Variants in LMOD1 observed in about 807,000 individuals in gnomAD.
LMOD1 encodes leiomodin 1, also known as leiomodin-1.
LMOD1 carries 8 observed loss-of-function variants against 36.5 expected under a neutral mutation model. The observed-to-expected ratio is 0.22, with a 90% CI of 0.13 to 0.40. The LOEUF (loss-of-function observed/expected upper bound fraction) is 0.40. Among genes scored for constraint, LMOD1 ranks in the 10% least tolerant of loss-of-function variants. The pLI, the probability that LMOD1 is intolerant of heterozygous loss-of-function variation, is 1.00. For missense variants in LMOD1, 630 were observed against 751.1 expected, an observed-to-expected ratio of 0.84 and a Z score of 1.88; for synonymous variants, 284 against 288.7, an observed-to-expected ratio of 0.98 and a Z score of 0.17.
At chr1:201,924,691 A>AAGAG in intron 1 of LMOD1, among the ~76,000 whole-genome samples, 1 of 118,930 alleles carries the variant, frequency 8.4e-6, no homozygotes, top group African/African-American at 3.0e-5. Context: ...GAAAGAAAGA[A>AAGAG]AGAAAGAAAG....
At chr1:201,901,526 ATATG>A (rs1341876427) in intron 1 of LMOD1, among the ~76,000 whole-genome samples, 952 of 35,844 alleles carry the variant, frequency 0.027, 104 homozygotes, top group African/African-American at 0.1. Flanking sequence ...ATATATATAT[ATATG>A]TATATATATA....
chr1:201,919,805 CTAACCAGGGCAGACTCCAGGG>C (rs1338134538), intron 1 of LMOD1, among the ~76,000 whole-genome samples: 1 of 152,180 alleles, frequency 6.6e-6, no homozygotes, highest in Non-Finnish European at 1.5e-5. Flanking sequence ...TTTTTGTCCA[CTAACCAGGGCAGACTCCAGGG>C]CAGAACTCTC....
At position 201,899,777 on chromosome 1, in the gene LMOD1, G is replaced by C. The variant is rs558971861; in HGVS notation, c.1236C>G (p.Leu412=). The C allele has an allele frequency of 6.2e-7, 1 of 1,614,040 alleles. No homozygotes were observed. The highest frequency in any genetic ancestry group is 2.2e-5 in the East Asian group (1 of 44,874). The stretch of plus-strand genomic sequence containing the variant: ...GGAGCTCGGTCAGCGTGTTGTTCTG[G>C]AGGAGGGCCCGGAAGATGGCCAGGA... The part of the protein sequence containing the change: ...KGILAIFRAL[L]QNNTLTELRF... Residue 412 remains leucine, a synonymous_variant, in exon 2 of 3, where the codon CTC becomes CTG. Coordinates refer to ENST00000367288, the MANE Select transcript of LMOD1 (RefSeq NM_012134.3). This position sits in a 1 kb window ranked among gnomAD's most constrained non-coding sequence, Gnocchi z 6.3.
At chr1:201,928,591 G>T (rs1372283060) in intron 1 of LMOD1, among the ~76,000 whole-genome samples, 7 of 152,218 alleles carry the variant, frequency 4.6e-5, no homozygotes, top group Non-Finnish European at 8.8e-5. Context: ...CTCTAGGAGA[G>T]CTGTATTACT....
rs1425177068 is a variant in LMOD1 at position 201,897,746 on chromosome 1, C to T, written c.*626G>A. 2 of 152,810 alleles carry T rather than the reference C, an allele frequency of 1.3e-5. No individual in the cohort carries two copies. The highest frequency in any genetic ancestry group is 4.8e-5 in the African/African-American group (2 of 41,462). 9.5% of individuals were successfully genotyped at this position (152,810 alleles called of 1,614,324 possible). On this transcript the variant is annotated 3_prime_UTR_variant, in exon 3 of 3. Transcript: ENST00000367288. The stretch of plus-strand genomic sequence containing the variant: ...GAAAATGTCTGCTTTGGCATCAAAC[C>T]TTCAAGTCCAGCTGCTGTCTGTCCC...
chr1:201,937,403 C>T (rs1403637342), intron 1 of LMOD1, among the ~76,000 whole-genome samples: 2 of 151,858 alleles, frequency 1.3e-5, no homozygotes, highest in African/African-American at 4.8e-5. Context: ...ACTGAGATTG[C>T]ACTACTCTAC....
chr1:201,908,637 C>T lies in LMOD1; in HGVS notation c.262-7886G>A, dbSNP rs1358596175. Among the ~76,000 whole-genome samples the T allele has an allele frequency of 5.3e-5, 8 of 152,034 alleles. No homozygotes were observed. The South Asian group carries it at 6.2e-4, about 12-fold the overall frequency. ...CAGGGCGGCCTTCTTGTGTACTTTC[C>T]GAGACTACTGACAGCACTGCATAGC... is the stretch of plus-strand genomic sequence containing the variant. On this transcript the variant is annotated intron_variant, in intron 1 of 2. Coordinates refer to ENST00000367288, the MANE Select transcript of LMOD1 (RefSeq NM_012134.3).
intron 1 of LMOD1, among the ~76,000 whole-genome samples, chr1:201,931,433 G>T (rs575072366): frequency 9.9e-5 from 15 of 151,878 alleles, no homozygotes; most frequent in African/African-American, 3.4e-4. Context: ...TACTCAGGAG[G>T]CTGAGGCATG....
Position 201,897,465 on chromosome 1 carries a change from C to A in LMOD1, c.*907G>T, listed in dbSNP as rs1681214219. The A allele has an allele frequency of 6.5e-6, 1 of 152,962 alleles. No individual in the cohort carries two copies. The highest frequency in any genetic ancestry group is 1.5e-5 in the Non-Finnish European group (1 of 68,356). 9.5% of individuals were successfully genotyped at this position (152,962 alleles called of 1,614,324 possible). The stretch of plus-strand genomic sequence containing the variant: ...CTGGACAACCAGGTCAGTGGAGAGT[C>A]TTCTGCTTAGAGTTCAGATTTTCCT... On this transcript the variant is annotated 3_prime_UTR_variant, in exon 3 of 3. Transcript: ENST00000367288.
intron 1 of LMOD1, among the ~76,000 whole-genome samples, chr1:201,933,326 A>C (rs1681957530): frequency 6.6e-6 from 1 of 151,624 alleles, no homozygotes; most frequent in Non-Finnish European, 1.5e-5. Context: ...AGGCAGGAGA[A>C]TCGCGTGAAC....
chr1:201,944,006 C>A (rs1682162845), intron 1 of LMOD1, among the ~76,000 whole-genome samples: 1 of 152,242 alleles, frequency 6.6e-6, no homozygotes, highest in Non-Finnish European at 1.5e-5. Flanking sequence ...ACAGAGATGA[C>A]TTCTGCCCAG....
chr1:201,906,171 T>C (rs1231499103), intron 1 of LMOD1, among the ~76,000 whole-genome samples: 1 of 151,910 alleles, frequency 6.6e-6, no homozygotes, highest in Non-Finnish European at 1.5e-5. Context: ...TGTGTGGATC[T>C]GGAGCTCATT....
chr1:201,914,567 T>C (rs1681568795), intron 1 of LMOD1, among the ~76,000 whole-genome samples: 1 of 152,080 alleles, frequency 6.6e-6, no homozygotes, highest in Non-Finnish European at 1.5e-5. Context: ...CGAATTCTTC[T>C]CCCTTCTCTT....
intron 1 of LMOD1, among the ~76,000 whole-genome samples, chr1:201,915,160 C>A (rs2819347): frequency 1.9e-4 from 29 of 152,160 alleles, no homozygotes; most frequent in African/African-American, 5.5e-4. Context: ...AACGCTTCCC[C>A]ATCGGTTTCC....
In LMOD1 at chr1:201,900,588, C is replaced by T. The variant is rs35110687; in HGVS notation, c.425G>A (p.Gly142Asp). 5,144 of 1,613,880 alleles carry T rather than the reference C, an allele frequency of 3.2e-3. 89 individuals carry two copies. The African/African-American group carries it at 0.048, about 15-fold the overall frequency. The change falls in exon 2 of 3, where the codon GGT becomes GAT. Residue 142 changes from glycine (G) to aspartate (D), a missense_variant. Gly to Asp is a moderately conservative substitution (Grantham distance 94). This residue lies in a region of LMOD1 where 405 missense variants were observed against 400.6 expected (regional missense o/e 1.01). Transcript: ENST00000367288. ...KSFSRDRDEA[G>D]GKSGEKPKEE... is the part of the protein sequence containing the mutation. ...CTTGGGCTTCTCGCCACTCTTGCCA[C>T]CAGCTTCATCTCTGTCTCTAGAGAA...
At position 201,899,803 on chromosome 1, in the gene LMOD1, T is replaced by C. The variant is rs369624812; in HGVS notation, c.1210A>G (p.Ile404Val). The C allele has an allele frequency of 1.3e-4, 215 of 1,613,924 alleles. No individual in the cohort carries two copies. The highest frequency in any genetic ancestry group is 1.6e-4 in the Non-Finnish European group (191 of 1,179,904). Residue 404 changes from isoleucine (I) to valine (V), a missense_variant, in exon 2 of 3, where the codon ATC becomes GTC. Around this residue, in one of 3 missense-constraint regions of LMOD1, gnomAD observed 81 missense variants for 180.6 expected, o/e 0.45. Coordinates refer to ENST00000367288, the MANE Select transcript of LMOD1 (RefSeq NM_012134.3). The surrounding 1 kb of genome is among the most constrained non-coding windows in gnomAD (Gnocchi z 6.3). ...AGGAGGGCCCGGAAGATGGCCAGGATGCCTTTGCCTGTGATGTGGTTGGAG... is the reference window on the plus strand; with the variant it reads ...AGGAGGGCCCGGAAGATGGCCAGGACGCCTTTGCCTGTGATGTGGTTGGAG... ...LDSNHITGKG[I>V]LAIFRALLQN... is the part of the protein sequence containing the mutation.
intron 1 of LMOD1, among the ~76,000 whole-genome samples, chr1:201,945,799 G>A (rs1041132262): frequency 6.6e-6 from 1 of 152,130 alleles, no homozygotes; most frequent in African/African-American, 2.4e-5. Context: ...CTTGACAATG[G>A]ACTCTTCAAG....
chr1:201,923,631 C>T (rs779498492), intron 1 of LMOD1, among the ~76,000 whole-genome samples: 32 of 151,358 alleles, frequency 2.1e-4, no homozygotes, highest in African/African-American at 7.3e-4. Context: ...GAGAGGCCAA[C>T]GGGGGGCAGA....
At position 201,898,179 on chromosome 1, in the gene LMOD1, G is replaced by A. The variant is rs1681224657; in HGVS notation, c.*193C>T. 1.6e-6 allele frequency: 1 copy of A among 631,362 alleles called. No homozygotes were observed. The highest frequency in any genetic ancestry group is 1.8e-5 in the African/African-American group (1 of 54,176). 39.1% of individuals were successfully genotyped at this position (631,362 alleles called of 1,614,324 possible). On this transcript the variant is annotated 3_prime_UTR_variant, in exon 3 of 3. Coordinates refer to ENST00000367288, the MANE Select transcript of LMOD1 (RefSeq NM_012134.3). ...CTAAAGCAAAATTTGGAGAGCCTCA[G>A]AGACAAGAAAAGGAAAGTGAGAAGA... is the stretch of plus-strand genomic sequence containing the variant.
Sources: gnomAD v4.1 joint callset for allele counts (sites outside exome capture counted in the v4.1 genomes callset) on GRCh38, gnomAD v4.1.1 for gene constraint, gnomAD v4.1.1 regional missense constraint, Gnocchi (gnomAD v3.1) non-coding constraint, MANE v1.5 for transcripts, NCBI Gene and HGNC (gene_info 2026-07-23, HGNC 2026-07-21) for gene names.